Variants in EXT1 observed in about 807,000 individuals in gnomAD.
EXT1 encodes the protein exostosin-1.
A neutral mutation model predicts 82.5 loss-of-function variants in EXT1; 20 were observed. The observed-to-expected ratio is 0.24, with a 90% confidence interval of 0.17 to 0.35. EXT1 has a LOEUF of 0.35. EXT1 is among the 10% of genes least tolerant of loss of function. EXT1 has a pLI of 1.00. For synonymous variants in EXT1, 348 were observed against 350.8 expected, an observed-to-expected ratio of 0.99 and a Z score of 0.09; for missense variants, 757 against 936.5, an observed-to-expected ratio of 0.81 and a Z score of 2.50.
chr8:118,106,268 T>C (rs1385243388), intron 1 of EXT1, among the ~76,000 whole-genome samples: 1 of 152,178 alleles, frequency 6.6e-6, no homozygotes, highest in African/African-American at 2.4e-5. Flanking sequence ...TTAATAAGGA[T>C]CTCCTTGTGG....
At chr8:118,065,261 T>C (rs781145221) in intron 1 of EXT1, among the ~76,000 whole-genome samples, 7 of 152,204 alleles carry the variant, frequency 4.6e-5, no homozygotes, top group Admixed American at 2.0e-4. Flanking sequence ...TTTTTTCATA[T>C]GTTTGTTGGT....
In EXT1 at chr8:117,823,221, C is replaced by A. The variant is rs537898146; in HGVS notation, c.1285-624G>T. Among the ~76,000 whole-genome samples the A allele has an allele frequency of 2.0e-5, 3 of 152,174 alleles. No individual in the cohort carries two copies. In the South Asian group the frequency reaches 6.2e-4, roughly 32 times the overall value. ...TGAGTTAACAATTGCTTAAAACATC[C>A]TACATAATAGGACAAGAACCATGGC... On this transcript the variant is annotated intron_variant, in intron 4 of 10. Coordinates refer to ENST00000378204, the MANE Select transcript of EXT1 (RefSeq NM_000127.3).
At chr8:117,845,498 G>A (rs1164912207) in intron 1 of EXT1, among the ~76,000 whole-genome samples, 1 of 151,734 alleles carries the variant, frequency 6.6e-6, no homozygotes, top group Non-Finnish European at 1.5e-5. Context: ...GGTAAAAGAT[G>A]ACCATCTGAA....
rs187891947 is a variant in EXT1, at chr8:118,110,859, C to T, written c.188G>A (p.Arg63His). ...HFWPRFPDAL[R>H]PFVPWDQLEN... The stretch of plus-strand genomic sequence containing the variant: ...CAATTGATCCCAAGGAACGAAGGGG[C>T]GCAGAGCGTCCGGGAAGCGGGGCCA... Residue 63 changes from arginine to histidine, a missense_variant, in exon 1 of 11, where the codon CGC (arginine) becomes CAC (histidine). Physicochemically the swap from Arg to His is conservative, Grantham distance 29. Transcript: ENST00000378204. 1 of 1,613,062 alleles carries T rather than the reference C, an allele frequency of 6.2e-7. No individual in the cohort carries two copies. Among genetic ancestry groups the T allele is most frequent in the Non-Finnish European group, 8.5e-7 (1 of 1,179,170 alleles).
chr8:118,048,909 A>T (rs906550169), intron 1 of EXT1, among the ~76,000 whole-genome samples: 7 of 152,208 alleles, frequency 4.6e-5, no homozygotes, highest in African/African-American at 1.4e-4. Flanking sequence ...ACACAAATTA[A>T]TCACACCCAA....
At chr8:117,881,454 C>T (rs1453606199) in intron 1 of EXT1, among the ~76,000 whole-genome samples, 1 of 152,088 alleles carries the variant, frequency 6.6e-6, no homozygotes, top group Admixed American at 6.5e-5. Context: ...ATGGCTACCC[C>T]GCATTCATCA....
intron 1 of EXT1, among the ~76,000 whole-genome samples, chr8:118,101,169 A>G (rs1290218669): frequency 6.6e-6 from 1 of 152,212 alleles, no homozygotes; most frequent in Non-Finnish European, 1.5e-5. Context: ...GACCTTCTTA[A>G]CGACCCTATG....
intron 1 of EXT1, among the ~76,000 whole-genome samples, chr8:117,949,143 G>A (rs1814442310): frequency 6.6e-6 from 1 of 152,104 alleles, no homozygotes; most frequent in Non-Finnish European, 1.5e-5. Context: ...AAAATCTCAT[G>A]CTAACCCTCA....
chr8:117,990,167 C>T lies in EXT1; in HGVS notation c.962+119918G>A, dbSNP rs187994362. ...CAGCCTAGGCGACAGAGCGAGACTC[C>T]GCCTAAAAAAAAAGAGAAAAGAAGA... is the stretch of plus-strand genomic sequence containing the variant. On this transcript the variant is annotated intron_variant, in intron 1 of 10. Coordinates refer to ENST00000378204, the MANE Select transcript of EXT1 (RefSeq NM_000127.3). Among the ~76,000 whole-genome samples, 393 of 151,818 alleles carry T rather than the reference C, an allele frequency of 2.6e-3. 2 individuals are homozygous for T. The highest frequency in any genetic ancestry group is 8.7e-3 in the African/African-American group (361 of 41,398).
intron 1 of EXT1, among the ~76,000 whole-genome samples, chr8:117,839,180 G>A (rs1643909604): frequency 6.6e-6 from 1 of 152,168 alleles, no homozygotes; most frequent in Non-Finnish European, 1.5e-5. Context: ...TAGGTAATAG[G>A]AGCTGTGGGA....
At chr8:118,074,702 G>A (rs1406815431) in intron 1 of EXT1, among the ~76,000 whole-genome samples, 1 of 152,232 alleles carries the variant, frequency 6.6e-6, no homozygotes, top group South Asian at 2.1e-4. Context: ...AGGGAGAGCT[G>A]GGGGCTGGAG....
intron 1 of EXT1, among the ~76,000 whole-genome samples, chr8:118,062,360 G>A (rs1816897285): frequency 6.6e-6 from 1 of 152,210 alleles, no homozygotes; most frequent in Non-Finnish European, 1.5e-5. Context: ...TGATGGGCTT[G>A]CAGACACAGA....
At chr8:117,819,001 T>C (rs1811875723) in intron 6 of EXT1, among the ~76,000 whole-genome samples, 1 of 152,232 alleles carries the variant, frequency 6.6e-6, no homozygotes, top group African/African-American at 2.4e-5. Flanking sequence ...AGAACTAAGA[T>C]GAGCTCATGT....
intron 1 of EXT1, among the ~76,000 whole-genome samples, chr8:118,026,589 A>G (rs553511775): frequency 1.4e-5 from 2 of 140,788 alleles, no homozygotes; most frequent in South Asian, 2.1e-4. Context: ...GCCTCTGGAG[A>G]AAAAAAAAAT....
In EXT1 at chr8:117,801,668, G is replaced by A. The variant is rs17474190; in HGVS notation, c.2056-1771C>T. Among the ~76,000 whole-genome samples the A allele has an allele frequency of 7.2e-3, 1,092 of 152,234 alleles. 20 individuals are homozygous for A. Among genetic ancestry groups the A allele is most frequent in the African/African-American group, 0.025 (1,036 of 41,528 alleles). ...TTACAGGTGCACACCACCATGCATG[G>A]CTAATTTTTGTATTTTTAGTAGAGA... On this transcript the variant is annotated intron_variant, in intron 10 of 10. Transcript: ENST00000378204.
chr8:117,888,484 C>T lies in EXT1; in HGVS notation c.963-51283G>A, dbSNP rs116978378. Among the ~76,000 whole-genome samples, 633 of 152,218 alleles carry T rather than the reference C, an allele frequency of 4.2e-3. 4 individuals carry two copies. The highest frequency in any genetic ancestry group is 0.014 in the Middle Eastern group (4 of 292). On this transcript the variant is annotated intron_variant, in intron 1 of 10. Coordinates refer to ENST00000378204, the MANE Select transcript of EXT1 (RefSeq NM_000127.3). ...TGCAAAACCCCAAAGGCCATTGCCA[C>T]ATAGAGTCACACCACTATATATATA...
chr8:117,823,246 C>T (rs1030458455), intron 4 of EXT1, among the ~76,000 whole-genome samples: 8 of 152,082 alleles, frequency 5.3e-5, no homozygotes, highest in South Asian at 4.1e-4. Flanking sequence ...AGAACCATGG[C>T]ATATGAAGAC....
At chr8:118,028,165 G>A (rs1816236326) in intron 1 of EXT1, among the ~76,000 whole-genome samples, 1 of 152,210 alleles carries the variant, frequency 6.6e-6, no homozygotes, top group Non-Finnish European at 1.5e-5. Context: ...CTACAACACG[G>A]GACAGATGGC....
intron 1 of EXT1, among the ~76,000 whole-genome samples, chr8:117,977,317 G>A (rs1418413895): frequency 9.3e-5 from 14 of 151,308 alleles, no homozygotes; most frequent in Admixed American, 8.6e-4. Flanking sequence ...AACCCAGGAC[G>A]CGGAGGCTAC....
Sources: allele counts gnomAD v4.1 joint callset (sites outside exome capture counted in the v4.1 genomes callset), GRCh38; gene constraint gnomAD v4.1.1; transcripts MANE v1.5; gene names NCBI Gene and HGNC (gene_info 2026-07-23, HGNC 2026-07-21).